The following SCN11A variants were observed in gnomAD, a reference collection of about 807,000 sequenced individuals.
SCN11A encodes sodium channel protein type 11 subunit alpha.
SCN11A carries 122 observed loss-of-function variants against 162.2 expected under a neutral mutation model. The ratio of observed to expected loss-of-function variants is 0.75; its 90% CI spans 0.65 to 0.87. The LOEUF is 0.87. Ranked by LOEUF, SCN11A falls within the 40% of genes least tolerant of loss-of-function variation. The pLI is 0.00. For synonymous variants in SCN11A, 758 were observed against 751.5 expected, an observed-to-expected ratio of 1.01 and a Z score of -0.14; for missense variants, 2,015 against 2,181.6, an observed-to-expected ratio of 0.92 and a Z score of 1.52.
chr3:38,925,499 A>G lies in SCN11A; in HGVS notation c.628T>C (p.Tyr210His). 6.2e-7 allele frequency: 1 copy of G among 1,611,632 alleles called. No individual in the cohort carries two copies. The highest frequency in any genetic ancestry group is 8.5e-7 in the Non-Finnish European group (1 of 1,177,774). Residue 210 changes from tyrosine to histidine, a missense_variant, in exon 9 of 30, where the codon TAT becomes CAT. Coordinates refer to ENST00000302328, the MANE Select transcript of SCN11A (RefSeq NM_001349253.2). ...SIVIGIAIVS[Y>H]IPGITIKLLP... ...AGTTTGATGGTGATTCCTGGAATAT[A>G]TGACACAATCCTACAAGACAAAGCA...
At chr3:38,977,567 GTGT>G (rs1460978452) in intron 2 of SCN11A, among the ~76,000 whole-genome samples, 1 of 152,188 alleles carries the variant, frequency 6.6e-6, no homozygotes, top group African/African-American at 2.4e-5. Flanking sequence ...ACCACTGTTA[GTGT>G]TGTTTGTGTT....
intron 1 of SCN11A, among the ~76,000 whole-genome samples, chr3:39,048,092 G>T (rs183225259): frequency 1.3e-5 from 2 of 152,292 alleles, no homozygotes; most frequent in East Asian, 3.9e-4. Flanking sequence ...ACTATTCACA[G>T]TGGCCAAGAT....
At chr3:38,867,558 C>A in intron 26 of SCN11A, 100 bp from the exon 27 acceptor site, 1 of 853,636 alleles carries the variant, frequency 1.2e-6, no homozygotes, top group Non-Finnish European at 1.8e-6. Context: ...TTCTTAGCAG[C>A]AACATTGACT....
At chr3:38,999,320 C>A (rs536468319) in intron 2 of SCN11A, among the ~76,000 whole-genome samples, 8 of 152,084 alleles carry the variant, frequency 5.3e-5, no homozygotes, top group Non-Finnish European at 1.0e-4. Context: ...TTTTGGTGTG[C>A]TTTTTTTCTA....
At chr3:39,019,541 C>G (rs2031390907) in intron 2 of SCN11A, among the ~76,000 whole-genome samples, 2 of 152,160 alleles carry the variant, frequency 1.3e-5, no homozygotes, top group Admixed American at 6.5e-5. Flanking sequence ...TGTTTGTGCA[C>G]TGGGCAGGAA....
chr3:39,042,849 C>T (rs913106456), intron 1 of SCN11A, among the ~76,000 whole-genome samples: 1 of 148,280 alleles, frequency 6.7e-6, no homozygotes, highest in Non-Finnish European at 1.5e-5. Context: ...CCCAACTACT[C>T]GGGAGGCTGA....
chr3:38,917,911 A>C (rs1445805276), intron 11 of SCN11A, among the ~76,000 whole-genome samples: 1 of 152,172 alleles, frequency 6.6e-6, no homozygotes, highest in Non-Finnish European at 1.5e-5. Flanking sequence ...ACTGAAATAA[A>C]AAAAATACCC....
intron 1 of SCN11A, among the ~76,000 whole-genome samples, chr3:39,040,676 A>G (rs972251476): frequency 1.3e-5 from 2 of 152,228 alleles, no homozygotes; most frequent in African/African-American, 4.8e-5. Context: ...AAAGAAACAT[A>G]TATTATTTTT....
rs759116099 is a variant in SCN11A, at chr3:38,945,454, C to A, written c.445G>T (p.Gly149Trp). Residue 149 changes from glycine (G) to tryptophan (W), a missense_variant, in exon 7 of 30, where the codon GGG (glycine) becomes TGG (tryptophan). Transcript: ENST00000302328. ...VIINCVFMAT[G>W]PAKNSNSNNT... ...TTACTGTTGCTGTTTTTAGCAGGCC[C>A]TGTAGCCATGAACACGCAGTTGATG... 6.2e-7 allele frequency: 1 copy of A among 1,603,702 alleles called. No individual in the cohort carries two copies.
chr3:39,015,615 T>A (rs1181628683), intron 2 of SCN11A, among the ~76,000 whole-genome samples: 2 of 152,238 alleles, frequency 1.3e-5, no homozygotes, highest in African/African-American at 4.8e-5. Flanking sequence ...GAGGTTCATA[T>A]ATATGCAAAA....
At position 39,015,057 on chromosome 3, in the gene SCN11A, C is replaced by T. The variant is rs867409816; in HGVS notation, c.-280+17323G>A. Reference sequence around the variant, plus strand: ...CTATGGTTTGAATATTTGTTACTCTCCACAACTCATGTTAAAATTTAATTG... The same window carrying T: ...CTATGGTTTGAATATTTGTTACTCTTCACAACTCATGTTAAAATTTAATTG... On this transcript the variant is annotated intron_variant, in intron 2 of 29. Coordinates refer to ENST00000302328, the MANE Select transcript of SCN11A (RefSeq NM_001349253.2). Among the ~76,000 whole-genome samples, 43 of 152,310 alleles carry T rather than the reference C, an allele frequency of 2.8e-4. 1 individual carries two copies. The highest frequency in any genetic ancestry group is 2.1e-4 in the South Asian group (1 of 4,826).
chr3:38,928,157 T>C (rs1169031494), intron 7 of SCN11A, among the ~76,000 whole-genome samples: 2 of 152,196 alleles, frequency 1.3e-5, no homozygotes, highest in African/African-American at 4.8e-5. Context: ...ATTAACTCAA[T>C]ATGGATTAAA....
chr3:38,880,156 T>A (rs2065285784), intron 22 of SCN11A, 33 bp from the exon 23 acceptor site: 1 of 1,527,878 alleles, frequency 6.5e-7, no homozygotes, highest in Non-Finnish European at 8.9e-7. Flanking sequence ...TAGGCCAGGT[T>A]GAATATTTGC....
intron 18 of SCN11A, among the ~76,000 whole-genome samples, chr3:38,895,742 C>G (rs1040381393): frequency 6.6e-6 from 1 of 152,034 alleles, no homozygotes; most frequent in Non-Finnish European, 1.5e-5. Context: ...AAGCTCTCCT[C>G]TATCTGTCTA....
rs762078605 is a variant in SCN11A at position 38,909,162 on chromosome 3, G to T, written c.1134C>A (p.Phe378Leu). The T allele has an allele frequency of 1.1e-5, 17 of 1,613,986 alleles. No individual in the cohort carries two copies. The highest frequency in any genetic ancestry group is 1.1e-5 in the Non-Finnish European group (13 of 1,179,996). ...TLRTTGLYSV[F>L]FFIVVIFLGS... ...CCAGGAAAATGACCACAATGAAGAA[G>T]AAGACTGAGTAGAGCCCAGTAGTAC... is the stretch of plus-strand genomic sequence containing the variant. The change falls in exon 13 of 30, where the codon TTC becomes TTA. Residue 378 changes from phenylalanine (F) to leucine (L), a missense_variant. By Grantham distance (22) the Phe-to-Leu change is conservative (BLOSUM62 0). Transcript: ENST00000302328.
intron 2 of SCN11A, among the ~76,000 whole-genome samples, chr3:38,988,823 A>G (rs1305130904): frequency 6.6e-6 from 1 of 152,254 alleles, no homozygotes; most frequent in Non-Finnish European, 1.5e-5. Context: ...TGAGTGGCAA[A>G]GCCAAGACGG....
intron 29 of SCN11A, among the ~76,000 whole-genome samples, chr3:38,848,302 C>T (rs897134526): frequency 6.6e-6 from 1 of 152,222 alleles, no homozygotes; most frequent in African/African-American, 2.4e-5. Flanking sequence ...AGACAATTCA[C>T]ATTTTGGCCT....
At chr3:38,902,796 C>T (rs973665142) in intron 16 of SCN11A, among the ~76,000 whole-genome samples, 8 of 150,890 alleles carry the variant, frequency 5.3e-5, no homozygotes, top group African/African-American at 1.5e-4. Flanking sequence ...GGATTACAGG[C>T]GTGAGCCACT....
chr3:38,897,836 T>C (rs536449818), intron 17 of SCN11A, among the ~76,000 whole-genome samples: 1 of 152,218 alleles, frequency 6.6e-6, no homozygotes, highest in Non-Finnish European at 1.5e-5. Context: ...GAATTATATG[T>C]AATATACCAA....
Sources: gnomAD v4.1 joint callset for allele counts (sites outside exome capture counted in the v4.1 genomes callset) on GRCh38, gnomAD v4.1.1 for gene constraint, MANE v1.5 for transcripts, NCBI Gene and HGNC (gene_info 2026-07-23, HGNC 2026-07-21) for gene names.